The following FBRSL1 variants were observed in gnomAD, a reference collection of about 807,000 sequenced individuals.
The protein encoded by FBRSL1 is fibrosin-1-like protein.
In FBRSL1, 51 loss-of-function variants were observed where a neutral mutation model predicts 89.6. The observed-to-expected ratio is 0.57, with a 90% CI of 0.45 to 0.72. FBRSL1 has a LOEUF of 0.72. Ranked by LOEUF, FBRSL1 falls within the 30% of genes least tolerant of loss-of-function variation. FBRSL1 has a pLI of 0.00. For missense variants in FBRSL1, 1,618 were observed against 1,451.8 expected (o/e 1.11, Z -1.86); for synonymous variants, 779 against 681.1 (o/e 1.14, Z -2.24).
intron 3 of FBRSL1, among the ~76,000 whole-genome samples, chr12:132,526,248 G>A (rs2035783360): frequency 6.6e-6 from 1 of 152,222 alleles, no homozygotes; most frequent in Non-Finnish European, 1.5e-5. Flanking sequence ...GCACTGGCGG[G>A]GCAGTGGGGA....
rs1276850220 is a variant in FBRSL1, at chr12:132,490,316, C to G, written c.-255C>G. 1.4e-5 allele frequency: 2 copies of G among 141,756 alleles called. No individual in the cohort carries two copies. Among genetic ancestry groups the G allele is most frequent in the Admixed American group, 6.9e-5 (1 of 14,422 alleles). 8.8% of individuals were successfully genotyped at this position (141,756 alleles called of 1,614,324 possible). On this transcript the variant is annotated 5_prime_UTR_variant, in exon 1 of 19. Transcript: ENST00000680143. ...CGCCCCCGGGGGGGCGGCCGAGGGC[C>G]GCTGAGCGCCGGGCCCGCCCCCGCC...
chr12:132,536,006 G>C lies in FBRSL1; in HGVS notation c.615+8018G>C, dbSNP rs781354104. 5.6e-4 allele frequency among the ~76,000 whole-genome samples: 85 copies of C among 151,514 alleles called. 1 individual carries two copies. Among genetic ancestry groups the C allele is most frequent in the Non-Finnish European group, 1.3e-4 (9 of 67,872 alleles). On this transcript the variant is annotated intron_variant, in intron 4 of 18. Coordinates refer to ENST00000680143, the MANE Select transcript of FBRSL1 (RefSeq NM_001367871.1). ...GTGAGTGCACGTGTACATGATGCGT[G>C]GATGTTTGTACATGGTGTGTTGTTT...
rs772863954 is a variant in FBRSL1 at position 132,584,144 on chromosome 12, C to T, written c.*366C>T. On this transcript the variant is annotated 3_prime_UTR_variant, in exon 19 of 19. Coordinates refer to ENST00000680143, the MANE Select transcript of FBRSL1 (RefSeq NM_001367871.1). ...TGCAGTTTAATGGCCTCAGATCCTT[C>T]TCCAGATCCCCAGGGTTTCTTTGTC... is the stretch of plus-strand genomic sequence containing the variant. The T allele has an allele frequency of 6.5e-6, 1 of 152,762 alleles. No homozygotes were observed. Among genetic ancestry groups the T allele is most frequent in the Non-Finnish European group, 1.5e-5 (1 of 68,394 alleles). 9.5% of individuals were successfully genotyped at this position (152,762 alleles called of 1,614,324 possible).
At chr12:132,527,005 C>A (rs2035841662) in intron 3 of FBRSL1, among the ~76,000 whole-genome samples, 1 of 152,148 alleles carries the variant, frequency 6.6e-6, no homozygotes, top group Admixed American at 6.5e-5. Context: ...CCAGAGGGAT[C>A]CCCACCAGAG....
intron 1 of FBRSL1, among the ~76,000 whole-genome samples, chr12:132,494,182 G>A (rs940560279): frequency 3.3e-5 from 5 of 152,184 alleles, no homozygotes; most frequent in Admixed American, 2.6e-4. Flanking sequence ...GCTTGGGAAC[G>A]TGGCTCTTGC....
intron 1 of FBRSL1, among the ~76,000 whole-genome samples, chr12:132,502,782 C>G (rs2033162472): frequency 8.3e-6 from 1 of 120,782 alleles, no homozygotes; most frequent in South Asian, 3.2e-4. Flanking sequence ...CCCTACCGTC[C>G]CTGCCCTCTC....
intron 14 of FBRSL1, among the ~76,000 whole-genome samples, chr12:132,575,096 C>A (rs1318499136): frequency 1.3e-5 from 2 of 152,118 alleles, no homozygotes; most frequent in African/African-American, 2.4e-5. Context: ...GGGACTGTTG[C>A]CTCAGCCCCG....
At chr12:132,548,720 C>T (rs900461820) in intron 5 of FBRSL1, among the ~76,000 whole-genome samples, 3 of 152,160 alleles carry the variant, frequency 2.0e-5, no homozygotes, top group South Asian at 4.1e-4. Context: ...CGTGAGGTCC[C>T]GGCCCGTAAC....
intron 4 of FBRSL1, among the ~76,000 whole-genome samples, chr12:132,530,404 C>T (rs2036159177): frequency 6.6e-6 from 1 of 152,114 alleles, no homozygotes; most frequent in Non-Finnish European, 1.5e-5. Flanking sequence ...GGCAGGACTC[C>T]TGTCGGCTCA....
chr12:132,501,918 G>A lies in FBRSL1; in HGVS notation c.292-6235G>A, dbSNP rs774335456. On this transcript the variant is annotated intron_variant, in intron 1 of 18. Coordinates refer to ENST00000680143, the MANE Select transcript of FBRSL1 (RefSeq NM_001367871.1). Reference sequence around the variant, plus strand: ...CCCCCCTTTGGGGACAGCCTCACCTGCCCGGTGTCTCCAGCACCTGGCTTC... The same window carrying A: ...CCCCCCTTTGGGGACAGCCTCACCTACCCGGTGTCTCCAGCACCTGGCTTC... Among the ~76,000 whole-genome samples the A allele has an allele frequency of 5.4e-4, 83 of 152,340 alleles. No homozygotes were observed. In the Middle Eastern group the frequency reaches 0.02, roughly 37 times the overall value.
intron 7 of FBRSL1, 35 bp downstream of exon 7, chr12:132,570,276 C>G (rs866909316): frequency 8.0e-6 from 12 of 1,505,632 alleles, no homozygotes; most frequent in Non-Finnish European, 9.7e-6. Flanking sequence ...CCTGTGTGGT[C>G]TCAGGATGGG....
At chr12:132,504,229 C>T (rs566961284) in intron 1 of FBRSL1, among the ~76,000 whole-genome samples, 2 of 41,428 alleles carry the variant, frequency 4.8e-5, no homozygotes, top group East Asian at 5.6e-4. Context: ...AAACAGGCAG[C>T]CCCGTCCCAA....
chr12:132,576,955 G>C lies in FBRSL1; in HGVS notation c.1834+24G>C, dbSNP rs1384394610. On this transcript the variant is annotated intron_variant, in intron 15 of 18. Transcript: ENST00000680143. The stretch of plus-strand genomic sequence containing the variant: ...AGGTGAGACTGGAGTCGGGCCAGGT[G>C]GGGGGCACAGAAACCTCCCGCTCGT... The C allele has an allele frequency of 1.7e-5, 26 of 1,540,072 alleles. No homozygotes were observed. In the East Asian group the frequency reaches 4.2e-4, roughly 25 times the overall value.
At chr12:132,497,634 C>G (rs921952054) in intron 1 of FBRSL1, among the ~76,000 whole-genome samples, 1 of 152,178 alleles carries the variant, frequency 6.6e-6, no homozygotes, top group Admixed American at 6.5e-5. Flanking sequence ...GCCTCCTGCC[C>G]CTGTCCAGAT....
At chr12:132,516,330 A>G (rs1213963411) in intron 2 of FBRSL1, among the ~76,000 whole-genome samples, 1 of 152,066 alleles carries the variant, frequency 6.6e-6, no homozygotes, top group Non-Finnish European at 1.5e-5. Flanking sequence ...GATCACAGGC[A>G]AGTGCCACCA....
At chr12:132,528,474 C>T (rs2035983822) in intron 4 of FBRSL1, among the ~76,000 whole-genome samples, 1 of 152,078 alleles carries the variant, frequency 6.6e-6, no homozygotes, top group African/African-American at 2.4e-5. Context: ...AAGGCCTGGG[C>T]CCAGGCTGGG....
At chr12:132,531,371 GTGTGCA>G (rs903230153) in intron 4 of FBRSL1, among the ~76,000 whole-genome samples, 4 of 152,110 alleles carry the variant, frequency 2.6e-5, no homozygotes, top group Admixed American at 1.3e-4. Context: ...GTGGGCGTGT[GTGTGCA>G]TGTGCATGTG....
Position 132,569,978 on chromosome 12 carries a change from A to C in FBRSL1, c.744A>C (p.Ser248=). 1 of 1,469,516 alleles carries C rather than the reference A, an allele frequency of 6.8e-7. No homozygotes were observed. The highest frequency in any genetic ancestry group is 8.9e-7 in the Non-Finnish European group (1 of 1,118,236). 91.0% of individuals were successfully genotyped at this position (1,469,516 alleles called of 1,614,324 possible). A position where few individuals can be genotyped will look rare whatever the true frequency, so the allele number is the denominator to read the frequency against. The stretch of plus-strand genomic sequence containing the variant: ...AGGCCGGGCCGGTGCCCAAGGTGTC[A>C]GGCCTGGAGCGCAGCCGCGAGCTCA... The part of the protein sequence containing the change: ...EAKAGPVPKV[S]GLERSRELSA... The change falls in exon 7 of 19, where the codon TCA becomes TCC. Residue 248 remains serine, a synonymous_variant. Coordinates refer to ENST00000680143, the MANE Select transcript of FBRSL1 (RefSeq NM_001367871.1).
At chr12:132,568,783 G>C (rs1408732796) in intron 6 of FBRSL1, among the ~76,000 whole-genome samples, 1 of 152,258 alleles carries the variant, frequency 6.6e-6, no homozygotes, top group Non-Finnish European at 1.5e-5. Context: ...CCTCTCTCCT[G>C]TGTCCTCCGC....
Sources: gnomAD v4.1 joint callset for allele counts (sites outside exome capture counted in the v4.1 genomes callset) on GRCh38, gnomAD v4.1.1 for gene constraint, MANE v1.5 for transcripts, NCBI Gene and HGNC (gene_info 2026-07-23, HGNC 2026-07-21) for gene names.